C2orf76: variants seen among roughly 807,000 people sequenced by gnomAD.
The protein encoded by C2orf76 is chromosome 2 open reading frame 76.
A neutral mutation model predicts 16.9 loss-of-function variants in C2orf76; 23 were observed. The observed-to-expected ratio is 1.36, with a 90% CI of 0.98 to 1.93. The LOEUF is 1.93. Among genes scored for constraint, C2orf76 ranks in the 30% most tolerant of loss-of-function variants. C2orf76 has a pLI of 0.00. For synonymous variants in C2orf76, 48 were observed against 52.3 expected, an observed-to-expected ratio of 0.92 and a Z score of 0.35; for missense variants, 152 against 152.6, an observed-to-expected ratio of 1.00 and a Z score of 0.02.
At chr2:119,350,555 C>T (rs923035880) in intron 1 of C2orf76, among the ~76,000 whole-genome samples, 1 of 152,190 alleles carries the variant, frequency 6.6e-6, no homozygotes, top group Admixed American at 6.5e-5. Context: ...GCATGGAAGT[C>T]CCAGTTCGAT....
rs527437674 is a variant in C2orf76 at position 119,302,402 on chromosome 2, A to G, written c.*70T>C. The G allele has an allele frequency of 3.2e-6, 2 of 625,648 alleles. No individual in the cohort carries two copies. The highest frequency in any genetic ancestry group is 3.0e-5 in the East Asian group (1 of 33,714). 38.8% of individuals were successfully genotyped at this position (625,648 alleles called of 1,614,324 possible). A position where few individuals can be genotyped will look rare whatever the true frequency, so the allele number is the denominator to read the frequency against. Reference sequence around the variant, plus strand: ...TTAATTTTTTAAGATTTGTTTGTCAATTTCAAAAATTCAGCAGTGGAATAA... The same window carrying G: ...TTAATTTTTTAAGATTTGTTTGTCAGTTTCAAAAATTCAGCAGTGGAATAA... On this transcript the variant is annotated 3_prime_UTR_variant, in exon 6 of 6. Coordinates refer to ENST00000334816, the MANE Select transcript of C2orf76 (RefSeq NM_001322331.2).
At chr2:119,326,262 G>A (rs1679507600) in intron 2 of C2orf76, among the ~76,000 whole-genome samples, 1 of 152,082 alleles carries the variant, frequency 6.6e-6, no homozygotes, top group Non-Finnish European at 1.5e-5. Context: ...TATGGTAGGA[G>A]GTAAGCATTG....
the C2orf76 span, among the ~76,000 whole-genome samples, chr2:119,288,716 G>A: frequency 2.6e-5 from 4 of 152,006 alleles, no homozygotes; most frequent in African/African-American, 7.2e-5. Context: ...CCAGAAGCTA[G>A]ACACTCACCC....
chr2:119,320,098 C>T (rs896936616), intron 3 of C2orf76, among the ~76,000 whole-genome samples: 1 of 152,138 alleles, frequency 6.6e-6, no homozygotes, highest in Admixed American at 6.5e-5. Context: ...TTATCTACCA[C>T]AATAATGCTT....
Position 119,339,847 on chromosome 2 carries a change from A to C in C2orf76, c.113T>G (p.Phe38Cys). 1 of 1,603,822 alleles carries C rather than the reference A, an allele frequency of 6.2e-7. No homozygotes were observed. Among genetic ancestry groups the C allele is most frequent in the Non-Finnish European group, 8.5e-7 (1 of 1,171,538 alleles). ...CATACCTTGCTTTAGAAATACGATA[A>C]ATTCCTTTACAGTTTGGTCCAAATT... ...GVNLDQTVKE[F>C]IVFLKQDIPL... Residue 38 changes from phenylalanine to cysteine, a missense_variant, in exon 2 of 6, where the codon TTT becomes TGT. By Grantham distance (205) the Phe-to-Cys change is radical. Coordinates refer to ENST00000334816, the MANE Select transcript of C2orf76 (RefSeq NM_001322331.2).
At position 119,325,400 on chromosome 2, in the gene C2orf76, C is replaced by T. The variant is rs1030759430; in HGVS notation, c.134-4196G>A. ...GCTTGAACCCAGGAGGCAGCGGTTG[C>T]GGTGAGCCGAGATCTTGCCATTGTA... On this transcript the variant is annotated intron_variant, in intron 2 of 5. Coordinates refer to ENST00000334816, the MANE Select transcript of C2orf76 (RefSeq NM_001322331.2). Among the ~76,000 whole-genome samples the T allele has an allele frequency of 6.1e-5, 8 of 131,038 alleles. No individual in the cohort carries two copies. The Admixed American group carries it at 6.3e-4, about 10-fold the overall frequency. 86.0% of individuals were successfully genotyped at this position (131,038 alleles called of 152,430 possible). A position where few individuals can be genotyped will look rare whatever the true frequency, so the allele number is the denominator to read the frequency against.
At chr2:119,333,520 G>A (rs1679741806) in intron 2 of C2orf76, among the ~76,000 whole-genome samples, 1 of 152,336 alleles carries the variant, frequency 6.6e-6, no homozygotes, top group Non-Finnish European at 1.5e-5. Context: ...AGTGTTTCCT[G>A]ATGTGATGCA....
intron 5 of C2orf76, chr2:119,311,028 G>T: frequency 2.2e-6 from 1 of 446,554 alleles, no homozygotes; most frequent in Non-Finnish European, 3.0e-6. Flanking sequence ...TCAGCTTTAG[G>T]TGTACATATA....
At chr2:119,324,179 T>C (rs1229635093) in intron 2 of C2orf76, among the ~76,000 whole-genome samples, 1 of 152,212 alleles carries the variant, frequency 6.6e-6, no homozygotes, top group Non-Finnish European at 1.5e-5. Flanking sequence ...ATGAAGCTAT[T>C]ATCATTTAGA....
chr2:119,331,319 T>C (rs973213254), intron 2 of C2orf76, among the ~76,000 whole-genome samples: 2 of 152,228 alleles, frequency 1.3e-5, no homozygotes, highest in African/African-American at 4.8e-5. Flanking sequence ...CTCTGCCCGA[T>C]AACCTGTGAA....
At chr2:119,340,798 ACAC>A (rs1320963470) in intron 1 of C2orf76, among the ~76,000 whole-genome samples, 1 of 137,250 alleles carries the variant, frequency 7.3e-6, no homozygotes. Context: ...ACACACACAC[ACAC>A]AAATTGGAAA....
At chr2:119,349,763 G>C (rs986766969) in intron 1 of C2orf76, among the ~76,000 whole-genome samples, 3 of 152,088 alleles carry the variant, frequency 2.0e-5, no homozygotes, top group Non-Finnish European at 4.4e-5. Flanking sequence ...GCTGAGCCAT[G>C]GGCCCCCTCT....
the C2orf76 span, among the ~76,000 whole-genome samples, chr2:119,282,038 C>T: frequency 5.9e-5 from 9 of 151,938 alleles, no homozygotes; most frequent in Admixed American, 3.3e-4. Flanking sequence ...CCCAGCTACT[C>T]GGGAGGCTGA....
chr2:119,322,109 T>C (rs1679363758), intron 2 of C2orf76, among the ~76,000 whole-genome samples: 1 of 151,384 alleles, frequency 6.6e-6, no homozygotes, highest in South Asian at 2.1e-4. Context: ...GAGAAATGTG[T>C]GTATATATGT....
intron 5 of C2orf76, among the ~76,000 whole-genome samples, chr2:119,304,686 A>C (rs1276114734): frequency 2.0e-5 from 3 of 152,246 alleles, no homozygotes; most frequent in Admixed American, 6.5e-5. Context: ...ACACAAATTA[A>C]AATTTACTCC....
chr2:119,318,628 C>G (rs1679252597), intron 3 of C2orf76, among the ~76,000 whole-genome samples: 1 of 151,684 alleles, frequency 6.6e-6, no homozygotes, highest in African/African-American at 2.4e-5. Flanking sequence ...CTCCCAAGTT[C>G]AAGCAATTCG....
chr2:119,343,674 T>C (rs575280965), intron 1 of C2orf76, among the ~76,000 whole-genome samples: 2 of 152,322 alleles, frequency 1.3e-5, no homozygotes, highest in East Asian at 3.9e-4. Flanking sequence ...GGCACATGCC[T>C]GTAGTCCCAG....
chr2:119,304,063 G>A (rs566618954), intron 5 of C2orf76, among the ~76,000 whole-genome samples: 1 of 152,304 alleles, frequency 6.6e-6, no homozygotes, highest in East Asian at 1.9e-4. Context: ...TCAAGAAAGA[G>A]AGCTTCAAAA....
chr2:119,317,441 C>T, intron 4 of C2orf76, 25 bp downstream of exon 4: 1 of 1,555,018 alleles, frequency 6.4e-7, no homozygotes, highest in South Asian at 1.2e-5. Context: ...TGCTATGTGC[C>T]AGATACTGTA....
Sources: allele counts gnomAD v4.1 joint callset (sites outside exome capture counted in the v4.1 genomes callset), GRCh38; gene constraint gnomAD v4.1.1; transcripts MANE v1.5; gene names NCBI Gene and HGNC (gene_info 2026-07-23, HGNC 2026-07-21).